The following ATG2B variants were observed in gnomAD, a reference collection of about 807,000 sequenced individuals.
The protein encoded by ATG2B is autophagy related 2B.
A neutral mutation model predicts 241.3 loss-of-function variants in ATG2B; 121 were observed. The observed-to-expected ratio is 0.50, with a 90% CI of 0.43 to 0.58. The LOEUF is 0.58. Among genes scored for constraint, ATG2B ranks in the 20% least tolerant of loss-of-function variants. ATG2B has a pLI of 0.00. For missense variants in ATG2B, 2,306 were observed against 2,491.6 expected (o/e 0.93, Z 1.59); for synonymous variants, 858 against 876.6 (o/e 0.98, Z 0.37).
intron 1 of ATG2B, among the ~76,000 whole-genome samples, chr14:96,358,129 A>T (rs1414600245): frequency 6.6e-6 from 1 of 152,230 alleles, no homozygotes; most frequent in Non-Finnish European, 1.5e-5. Context: ...GGTTTATTAC[A>T]GCAGTGAAGA....
At chr14:96,309,622 A>C in intron 28 of ATG2B, 28 bp from the exon 29 acceptor site, 1 of 1,581,018 alleles carries the variant, frequency 6.3e-7, no homozygotes. Flanking sequence ...AATTAAAAAT[A>C]ACTGAAAATG....
Position 96,290,034 on chromosome 14 carries a change from C to A in ATG2B, c.5857-229G>T. On this transcript the variant is annotated intron_variant, in intron 40 of 41. Transcript: ENST00000359933. The surrounding 1 kb of genome is among the most constrained non-coding windows in gnomAD (Gnocchi z 4.4). ...ACCTGGATTGAGCTAAATTTTTAGC[C>A]CCTCCTCTGTTCACTGAGAACACTC... is the stretch of plus-strand genomic sequence containing the variant. 1 of 1,002,964 alleles carries A rather than the reference C, an allele frequency of 1.0e-6. No homozygotes were observed. Among genetic ancestry groups the A allele is most frequent in the Non-Finnish European group, 1.4e-6 (1 of 738,930 alleles). The allele number at this position is 1,002,964 out of a possible 1,614,324, so 62.1% of individuals were successfully genotyped here.
chr14:96,361,711 G>T (rs1880319974), intron 1 of ATG2B, among the ~76,000 whole-genome samples: 1 of 152,028 alleles, frequency 6.6e-6, no homozygotes, highest in Admixed American at 6.5e-5. Context: ...GCGGTCTGGA[G>T]AGTCTCTCCA....
intron 1 of ATG2B, among the ~76,000 whole-genome samples, chr14:96,351,514 T>C (rs758794673): frequency 2.6e-5 from 4 of 152,078 alleles, no homozygotes; most frequent in Non-Finnish European, 5.9e-5. Context: ...GGCAGGCAGA[T>C]TGCCTGAGGT....
rs11847315 is a variant in ATG2B, at chr14:96,313,545, T to C, written c.3643-110A>G. 1.6e-3 allele frequency: 839 copies of C among 526,896 alleles called. 8 individuals carry two copies. Among genetic ancestry groups the C allele is most frequent in the African/African-American group, 0.015 (767 of 50,556 alleles). 32.6% of individuals were successfully genotyped at this position (526,896 alleles called of 1,614,324 possible). On this transcript the variant is annotated intron_variant, in intron 23 of 41. Coordinates refer to ENST00000359933, the MANE Select transcript of ATG2B (RefSeq NM_018036.7). ...ATATCTCACAGAAAAAATCATTTAA[T>C]TGGAAAATCATAACGGTAAAAGGAA...
At chr14:96,360,633 CAGG>C (rs1265683217) in intron 1 of ATG2B, among the ~76,000 whole-genome samples, 1 of 152,122 alleles carries the variant, frequency 6.6e-6, no homozygotes, top group East Asian at 1.9e-4. Flanking sequence ...TAATTGAGAT[CAGG>C]AATGAAAGGA....
chr14:96,297,123 C>A (rs1566715315), intron 34 of ATG2B, among the ~76,000 whole-genome samples: 1 of 151,952 alleles, frequency 6.6e-6, no homozygotes, highest in African/African-American at 2.4e-5. Flanking sequence ...CCATCATACA[C>A]ATTTAATATA....
At chr14:96,309,714 C>T in intron 28 of ATG2B, 120 bp from the exon 29 acceptor site, 1 of 949,626 alleles carries the variant, frequency 1.1e-6, no homozygotes, top group South Asian at 2.2e-5. Context: ...TAGAAACCTA[C>T]TCATTTTTCT....
intron 1 of ATG2B, among the ~76,000 whole-genome samples, chr14:96,352,828 C>T (rs1237999848): frequency 1.3e-5 from 2 of 151,390 alleles, no homozygotes; most frequent in African/African-American, 2.4e-5. Context: ...ATAGTCTAGC[C>T]GAAGTGTACA....
chr14:96,310,095 C>G (rs974574129), intron 28 of ATG2B, among the ~76,000 whole-genome samples: 3 of 152,110 alleles, frequency 2.0e-5, no homozygotes, highest in Non-Finnish European at 4.4e-5. Flanking sequence ...AAATACTTCA[C>G]CAATGGTTGG....
In ATG2B at chr14:96,328,335, T is replaced by C. The variant is rs1887637052; in HGVS notation, c.2163+12A>G. The C allele has an allele frequency of 3.2e-6, 5 of 1,579,276 alleles. No homozygotes were observed. Among genetic ancestry groups the C allele is most frequent in the African/African-American group, 1.4e-5 (1 of 73,906 alleles). ...TAATTATGATTAGTATTTGCAGCTT[T>C]TGAATACTTACCAGACTAATATGTT... On this transcript the variant is annotated intron_variant, in intron 14 of 41. Coordinates refer to ENST00000359933, the MANE Select transcript of ATG2B (RefSeq NM_018036.7).
Position 96,309,558 on chromosome 14 carries a change from C to G in ATG2B, c.4198G>C (p.Val1400Leu), listed in dbSNP as rs758842990. 2 of 1,613,904 alleles carry G rather than the reference C, an allele frequency of 1.2e-6. No individual in the cohort carries two copies. Among genetic ancestry groups the G allele is most frequent in the Non-Finnish European group, 1.7e-6 (2 of 1,179,968 alleles). ...ATTTGTTGATCTGCTTCAGGAAGTA[C>G]TGGACCACGTGAGGATGATCGACCA... ...SSGRSSSRGP[V>L]LPEADQQMLR... is the part of the protein sequence containing the mutation. Residue 1400 changes from valine to leucine, a missense_variant, in exon 29 of 42, where the codon GTA (valine) becomes CTA (leucine). Transcript: ENST00000359933.
At chr14:96,333,207 G>C (rs997715785) in intron 8 of ATG2B, among the ~76,000 whole-genome samples, 1 of 151,990 alleles carries the variant, frequency 6.6e-6, no homozygotes, top group Admixed American at 6.6e-5. Context: ...TATGTTATTA[G>C]CATTTATACA....
intron 36 of ATG2B, among the ~76,000 whole-genome samples, chr14:96,294,287 G>C (rs937876024): frequency 6.6e-6 from 1 of 152,138 alleles, no homozygotes; most frequent in African/African-American, 2.4e-5. Context: ...CATAACAAGG[G>C]GGCACTGATC....
At chr14:96,308,276 A>ATT (rs1566719964) in intron 29 of ATG2B, among the ~76,000 whole-genome samples, 1 of 27,128 alleles carries the variant, frequency 3.7e-5, no homozygotes, top group Non-Finnish European at 6.5e-5. Flanking sequence ...ATATATATAT[A>ATT]TATATATTTT....
At chr14:96,321,365 C>G (rs761045733) in intron 18 of ATG2B, among the ~76,000 whole-genome samples, 1 of 152,210 alleles carries the variant, frequency 6.6e-6, no homozygotes, top group African/African-American at 2.4e-5. Context: ...ACATGACAAT[C>G]TTTCAGGTAT....
Position 96,332,201 on chromosome 14 carries a change from A to G in ATG2B, c.1468+104T>C, listed in dbSNP as rs369473491. The G allele has an allele frequency of 4.6e-5, 40 of 861,588 alleles. No individual in the cohort carries two copies. The East Asian group carries it at 8.4e-4, about 18-fold the overall frequency. 53.4% of individuals were successfully genotyped at this position (861,588 alleles called of 1,614,324 possible). On this transcript the variant is annotated intron_variant, in intron 10 of 41. Coordinates refer to ENST00000359933, the MANE Select transcript of ATG2B (RefSeq NM_018036.7). ...TCATTTTGCTTTCTGAACTTTGTAA[A>G]TGGCCAAGACCAGAAAAAAAAAAAA...
At chr14:96,337,652 C>A (rs1887901083) in intron 6 of ATG2B, among the ~76,000 whole-genome samples, 1 of 152,104 alleles carries the variant, frequency 6.6e-6, no homozygotes, top group South Asian at 2.1e-4. Flanking sequence ...TATTTTTATA[C>A]CAGTACCATA....
At chr14:96,337,856 G>A (rs1887906691) in intron 6 of ATG2B, among the ~76,000 whole-genome samples, 1 of 152,096 alleles carries the variant, frequency 6.6e-6, no homozygotes, top group African/African-American at 2.4e-5. Context: ...TATGTGGATT[G>A]TTGTGGGCAG....
Sources: allele counts gnomAD v4.1 joint callset (sites outside exome capture counted in the v4.1 genomes callset), GRCh38; gene constraint gnomAD v4.1.1; non-coding constraint Gnocchi (gnomAD v3.1); transcripts MANE v1.5; gene names NCBI Gene and HGNC (gene_info 2026-07-23, HGNC 2026-07-21).